AKAP10: variants seen among roughly 807,000 people sequenced by gnomAD.
The protein encoded by AKAP10 is A-kinase anchoring protein 10.
In AKAP10, 24 loss-of-function variants were observed where a neutral mutation model predicts 80.8. The ratio of observed to expected loss-of-function variants is 0.30; its 90% CI spans 0.22 to 0.42. AKAP10 has a LOEUF of 0.42. Among genes scored for constraint, AKAP10 ranks in the 10% least tolerant of loss-of-function variants. The probability of loss-of-function intolerance (pLI) is 1.00; values close to 1 mark genes in which losing one functional copy is unlikely to be tolerated. For synonymous variants in AKAP10, 291 were observed against 277.7 expected (o/e 1.05, Z -0.48); for missense variants, 661 against 794.9 (o/e 0.83, Z 2.03).
chr17:19,915,448 A>G (rs769449695), intron 12 of AKAP10, among the ~76,000 whole-genome samples: 1 of 152,220 alleles, frequency 6.6e-6, no homozygotes, highest in Non-Finnish European at 1.5e-5. Context: ...GGCATTCAGC[A>G]TAGTGCCTGG....
At chr17:19,931,495 A>T (rs1046301525) in intron 10 of AKAP10, among the ~76,000 whole-genome samples, 38 of 150,400 alleles carry the variant, frequency 2.5e-4, no homozygotes, top group Admixed American at 6.7e-4. Flanking sequence ...GGTTCAAGCG[A>T]TTCTCCTGCC....
At chr17:19,960,869 T>C (rs1035463549) in intron 3 of AKAP10, among the ~76,000 whole-genome samples, 1 of 150,634 alleles carries the variant, frequency 6.6e-6, no homozygotes, top group South Asian at 2.1e-4. Context: ...CTACTAAATA[T>C]ACAAAAATCA....
chr17:19,908,350 C>G (rs529853149), intron 14 of AKAP10, among the ~76,000 whole-genome samples: 1 of 152,166 alleles, frequency 6.6e-6, no homozygotes, highest in Non-Finnish European at 1.5e-5. Context: ...AAGGCATAAC[C>G]TCTGTGAAGA....
In AKAP10 at chr17:19,911,835, C is replaced by CAAAAAAAAAAAAAAAAAA. The variant is rs71157844; in HGVS notation, c.1835-1875_1835-1858dup. ...CGGCAACAAGAGCAAAACTCTGTCA[C>CAAAAAAAAAAAAAAAAAA]AAAAAAAAAAAAAAAAAAAAAAAAA... On this transcript the variant is annotated intron_variant, in intron 12 of 14. Coordinates refer to ENST00000225737, the MANE Select transcript of AKAP10 (RefSeq NM_007202.4). Among the ~76,000 whole-genome samples, 11 of 55,008 alleles carry CAAAAAAAAAAAAAAAAAA rather than the reference C, an allele frequency of 2.0e-4. 1 individual carries two copies. Among genetic ancestry groups the CAAAAAAAAAAAAAAAAAA allele is most frequent in the Admixed American group, 3.5e-4 (1 of 2,840 alleles). The allele number at this position is 55,008 out of a possible 152,430, so 36.1% of individuals were successfully genotyped here. A position where few individuals can be genotyped will look rare whatever the true frequency, so the allele number is the denominator to read the frequency against.
intron 3 of AKAP10, among the ~76,000 whole-genome samples, chr17:19,960,398 A>T (rs1039935725): frequency 2.0e-5 from 3 of 152,092 alleles, no homozygotes; most frequent in Non-Finnish European, 2.9e-5. Context: ...TAATCTTTTC[A>T]TTTCTCTTAA....
At chr17:19,963,082 T>A in intron 2 of AKAP10, 60 bp from the exon 3 acceptor site, 1 of 1,383,938 alleles carries the variant, frequency 7.2e-7, no homozygotes, top group East Asian at 2.4e-5. Context: ...AAAACTCTCA[T>A]AAAGGGGCTT....
At chr17:19,907,013 TG>T (rs1265609305) in intron 14 of AKAP10, among the ~76,000 whole-genome samples, 2 of 130,016 alleles carry the variant, frequency 1.5e-5, no homozygotes, top group Admixed American at 1.5e-4. Flanking sequence ...TCGAGTCTAC[TG>T]TTTTTTTTTG....
rs1049591 is a variant in AKAP10 at position 19,920,073 on chromosome 17, T to C, written c.1797A>G (p.Arg599=). 1.2e-5 allele frequency: 19 copies of C among 1,613,654 alleles called. No homozygotes were observed. The South Asian group carries it at 1.9e-4, about 16-fold the overall frequency. ...TTACATCAGGTTCAGGCTCAGATTC[T>C]CGGATGAATTGCCCCAAGTCACTGA... is the stretch of plus-strand genomic sequence containing the variant. ...GRVSDLGQFI[R]ESEPEPDVRK... Residue 599 remains arginine (R), a synonymous_variant, in exon 12 of 15, where the codon CGA becomes CGG. Transcript: ENST00000225737.
chr17:19,938,468 C>T (rs1034517854), intron 8 of AKAP10, among the ~76,000 whole-genome samples: 9 of 151,796 alleles, frequency 5.9e-5, no homozygotes, highest in Admixed American at 4.6e-4. Flanking sequence ...AACGCCTGAC[C>T]TCAAGTAATC....
At chr17:19,908,495 T>C (rs1449488593) in intron 14 of AKAP10, among the ~76,000 whole-genome samples, 1 of 152,134 alleles carries the variant, frequency 6.6e-6, no homozygotes. Context: ...CCTGGACACA[T>C]GCGTTTTCAC....
intron 12 of AKAP10, among the ~76,000 whole-genome samples, chr17:19,916,468 G>A (rs2042743209): frequency 6.6e-6 from 1 of 152,018 alleles, no homozygotes; most frequent in South Asian, 2.1e-4. Flanking sequence ...TAGTGGTTTG[G>A]GAAAAAATTT....
chr17:19,918,372 C>T (rs569016687), intron 12 of AKAP10, among the ~76,000 whole-genome samples: 2 of 152,272 alleles, frequency 1.3e-5, no homozygotes. Context: ...TAGTGAAACC[C>T]TGTCTCTACT....
chr17:19,936,528 T>C (rs1380434027), intron 8 of AKAP10, 98 bp from the exon 9 acceptor site: 6 of 1,216,314 alleles, frequency 4.9e-6, no homozygotes, highest in Non-Finnish European at 6.8e-6. Context: ...GGCTACTTGA[T>C]TGAGCCTGCA....
intron 11 of AKAP10, among the ~76,000 whole-genome samples, chr17:19,922,881 C>T (rs1437253692): frequency 6.6e-6 from 1 of 152,196 alleles, no homozygotes; most frequent in African/African-American, 2.4e-5. Flanking sequence ...GCCTGAGCAA[C>T]AGAGCGAGAC....
intron 1 of AKAP10, 119 bp from the exon 2 acceptor site, chr17:19,968,580 C>T: frequency 1.2e-6 from 1 of 838,574 alleles, no homozygotes; most frequent in Non-Finnish European, 1.9e-6. Flanking sequence ...GAACAATGGA[C>T]AGCCTTGGAG....
chr17:19,970,308 CA>C (rs2043478665), intron 1 of AKAP10, among the ~76,000 whole-genome samples: 1 of 152,154 alleles, frequency 6.6e-6, no homozygotes. Flanking sequence ...ATTCTACTGC[CA>C]AAACAAACCA....
intron 4 of AKAP10, among the ~76,000 whole-genome samples, chr17:19,951,128 G>T (rs1002566735): frequency 7.0e-6 from 1 of 143,494 alleles, no homozygotes; most frequent in Non-Finnish European, 1.5e-5. Context: ...GCCCCGTCCG[G>T]GAGGGAGGTG....
chr17:19,925,189 AAATGTAT>A (rs2042863586), intron 10 of AKAP10, among the ~76,000 whole-genome samples: 1 of 152,102 alleles, frequency 6.6e-6, no homozygotes, highest in Non-Finnish European at 1.5e-5. Context: ...AAATAAAATA[AAATGTAT>A]AATGTATGAA....
At chr17:19,945,195 C>T (rs1308521701) in intron 5 of AKAP10, among the ~76,000 whole-genome samples, 1 of 152,006 alleles carries the variant, frequency 6.6e-6, no homozygotes, top group Non-Finnish European at 1.5e-5. Context: ...CATGGGATTA[C>T]ATCATCATTA....
Sources: allele counts gnomAD v4.1 joint callset (sites outside exome capture counted in the v4.1 genomes callset), GRCh38; gene constraint gnomAD v4.1.1; transcripts MANE v1.5; gene names NCBI Gene and HGNC (gene_info 2026-07-23, HGNC 2026-07-21).